Variants in PRKG1 observed in about 807,000 individuals in gnomAD.
PRKG1 encodes protein kinase cGMP-dependent 1.
A neutral mutation model predicts 88.1 loss-of-function variants in PRKG1; 35 were observed. The ratio of observed to expected loss-of-function variants is 0.40; its 90% CI spans 0.30 to 0.53. The LOEUF (loss-of-function observed/expected upper bound fraction) is 0.53, where lower values mean the gene tolerates loss of function less well. Ranked by LOEUF, PRKG1 falls within the 20% of genes least tolerant of loss-of-function variation. The probability of loss-of-function intolerance (pLI) is 0.59; values close to 1 mark genes in which losing one functional copy is unlikely to be tolerated. For missense variants in PRKG1, 540 were observed against 839.8 expected (o/e 0.64, Z 4.41); for synonymous variants, 303 against 292.5 (o/e 1.04, Z -0.37).
intron 3 of PRKG1, among the ~76,000 whole-genome samples, chr10:51,657,976 G>C (rs1589166998): frequency 6.6e-6 from 1 of 152,156 alleles, no homozygotes; most frequent in Non-Finnish European, 1.5e-5. Context: ...TGCAGAAAAA[G>C]AAATCAACTT....
At chr10:51,854,255 G>C (rs193100026) in intron 4 of PRKG1, among the ~76,000 whole-genome samples, 1 of 151,896 alleles carries the variant, frequency 6.6e-6, no homozygotes, top group Non-Finnish European at 1.5e-5. Context: ...TGACCTACTG[G>C]GATTTTCTAA....
At chr10:51,931,063 G>A (rs545517999) in intron 5 of PRKG1, among the ~76,000 whole-genome samples, 211 of 152,182 alleles carry the variant, frequency 1.4e-3, no homozygotes, top group Non-Finnish European at 2.7e-3. Context: ...CTGTAACATC[G>A]TATAAATTTG....
chr10:51,558,411 T>TA (rs199885359), intron 3 of PRKG1, among the ~76,000 whole-genome samples: 3 of 151,948 alleles, frequency 2.0e-5, no homozygotes, highest in African/African-American at 2.4e-5. Flanking sequence ...CATACTTGGT[T>TA]AAAAAAAATT....
At chr10:51,460,631 T>C (rs1588980115) in intron 2 of PRKG1, among the ~76,000 whole-genome samples, 1 of 152,192 alleles carries the variant, frequency 6.6e-6, no homozygotes, top group Admixed American at 6.5e-5. Flanking sequence ...TTGACATGTA[T>C]TTTAAGTGCT....
intron 3 of PRKG1, among the ~76,000 whole-genome samples, chr10:51,618,935 AT>A (rs3086927): frequency 5.5e-4 from 68 of 123,538 alleles, no homozygotes; most frequent in African/African-American, 1.4e-3. Context: ...CACCCAGCTA[AT>A]TTTTTTTTTT....
chr10:51,148,437 G>A (rs2131966993), intron 1 of PRKG1, among the ~76,000 whole-genome samples: 2 of 152,260 alleles, frequency 1.3e-5, no homozygotes, highest in South Asian at 4.1e-4. Context: ...TAACTTAATA[G>A]CTTTGACTAT....
chr10:51,617,381 A>G (rs1839087222), intron 3 of PRKG1, among the ~76,000 whole-genome samples: 1 of 151,608 alleles, frequency 6.6e-6, no homozygotes, highest in African/African-American at 2.4e-5. Flanking sequence ...TTTTTAGGGG[A>G]GGAGGTAAGC....
At chr10:52,286,616 T>TA (rs879713548) in intron 14 of PRKG1, among the ~76,000 whole-genome samples, 2 of 151,972 alleles carry the variant, frequency 1.3e-5, no homozygotes, top group African/African-American at 4.8e-5. Flanking sequence ...AGGTGGGAGG[T>TA]AAAGCAGGTA....
intron 7 of PRKG1, among the ~76,000 whole-genome samples, chr10:52,096,892 C>CTTG (rs1473156050): frequency 6.6e-6 from 1 of 151,890 alleles, no homozygotes; most frequent in Non-Finnish European, 1.5e-5. Context: ...TGTTGTTATC[C>CTTG]TTGTTATTAT....
intron 2 of PRKG1, among the ~76,000 whole-genome samples, chr10:51,249,838 C>T (rs891594031): frequency 7.3e-5 from 11 of 151,668 alleles, no homozygotes; most frequent in African/African-American, 2.2e-4. Context: ...TTCTAATAGC[C>T]GGGCATATTT....
chr10:51,896,645 T>TCAA (rs1841854080), intron 4 of PRKG1, among the ~76,000 whole-genome samples: 1 of 95,004 alleles, frequency 1.1e-5, no homozygotes, highest in Non-Finnish European at 1.9e-5. Flanking sequence ...CCCTGTCTCT[T>TCAA]AAAAAAAAAA....
chr10:51,452,548 T>C (rs1839466290), intron 2 of PRKG1, among the ~76,000 whole-genome samples: 1 of 151,902 alleles, frequency 6.6e-6, no homozygotes, highest in African/African-American at 2.4e-5. Context: ...GTTGAGATGA[T>C]CATATGATTT....
rs553927617 is a variant in PRKG1 at position 51,248,257 on chromosome 10, G to T, written c.478+94927G>T. Among the ~76,000 whole-genome samples the T allele has an allele frequency of 1.3e-4, 19 of 151,954 alleles. No homozygotes were observed. In the South Asian group the frequency reaches 3.3e-3, roughly 27 times the overall value. On this transcript the variant is annotated intron_variant, in intron 2 of 17. Transcript: ENST00000373980. ...GCTCAATGTAGTATGACAAAGTCAG[G>T]ATCAAATATTCATACATCCAGATCT...
At chr10:51,866,946 A>G (rs1475577737) in intron 4 of PRKG1, among the ~76,000 whole-genome samples, 1 of 152,176 alleles carries the variant, frequency 6.6e-6, no homozygotes. Context: ...CAATTACTTT[A>G]GAGTTTCATG....
intron 2 of PRKG1, among the ~76,000 whole-genome samples, chr10:51,179,804 G>C (rs559744830): frequency 6.6e-6 from 1 of 152,028 alleles, no homozygotes; most frequent in African/African-American, 2.4e-5. Flanking sequence ...TGCTTGTTCT[G>C]CCCATTACTA....
chr10:51,389,504 T>G (rs1212640389), intron 2 of PRKG1, among the ~76,000 whole-genome samples: 2 of 152,098 alleles, frequency 1.3e-5, no homozygotes, highest in Non-Finnish European at 2.9e-5. Flanking sequence ...TACAGTTTCC[T>G]TGGTATTGCC....
At chr10:52,082,654 G>A (rs1477428607) in intron 7 of PRKG1, among the ~76,000 whole-genome samples, 1 of 152,060 alleles carries the variant, frequency 6.6e-6, no homozygotes, top group Non-Finnish European at 1.5e-5. Context: ...ATTATGGTTT[G>A]ATACCATTGT....
chr10:51,042,180 C>T (rs2132759357), intron 1 of PRKG1, among the ~76,000 whole-genome samples: 1 of 152,184 alleles, frequency 6.6e-6, no homozygotes, highest in Non-Finnish European at 1.5e-5. Context: ...GGTCTTGGAC[C>T]CTTAAAATAA....
chr10:51,720,795 G>A (rs1232315422), intron 3 of PRKG1, among the ~76,000 whole-genome samples: 1 of 152,126 alleles, frequency 6.6e-6, no homozygotes, highest in Non-Finnish European at 1.5e-5. Flanking sequence ...TTGGTAGTGG[G>A]TTATGAGTTT....
Sources: gnomAD v4.1 joint callset for allele counts (sites outside exome capture counted in the v4.1 genomes callset) on GRCh38, gnomAD v4.1.1 for gene constraint, MANE v1.5 for transcripts, NCBI Gene and HGNC (gene_info 2026-07-23, HGNC 2026-07-21) for gene names.